KCNQ3: variants seen among roughly 807,000 people sequenced by gnomAD.
The protein encoded by KCNQ3 is potassium voltage-gated channel subfamily KQT member 3.
KCNQ3 carries 30 observed loss-of-function variants against 92.5 expected under a neutral mutation model. The observed-to-expected ratio is 0.32, with a 90% CI of 0.24 to 0.44. The LOEUF is 0.44. KCNQ3 is among the 20% of genes least tolerant of loss of function. KCNQ3 has a pLI of 1.00. For missense variants in KCNQ3, 913 were observed against 1,140.3 expected (o/e 0.80, Z 2.87); for synonymous variants, 450 against 468.8 (o/e 0.96, Z 0.52).
intron 1 of KCNQ3, chr8:132,277,976 C>T: frequency 1.0e-6 from 1 of 985,364 alleles, no homozygotes. Flanking sequence ...CACCTTCACC[C>T]CCACAGGACA....
intron 9 of KCNQ3, among the ~76,000 whole-genome samples, chr8:132,158,552 A>C (rs552299488): frequency 1.1e-4 from 17 of 152,284 alleles, no homozygotes; most frequent in African/African-American, 4.1e-4. Flanking sequence ...GCTGTGACTG[A>C]CTAGGTAACT....
chr8:132,228,958 T>C (rs1193103126), intron 1 of KCNQ3, among the ~76,000 whole-genome samples: 1 of 151,970 alleles, frequency 6.6e-6, no homozygotes, highest in Non-Finnish European at 1.5e-5. Context: ...TTGTGTATCA[T>C]AAAAATCTTT....
At chr8:132,423,078 G>A (rs780118709) in intron 1 of KCNQ3, among the ~76,000 whole-genome samples, 20 of 152,138 alleles carry the variant, frequency 1.3e-4, no homozygotes, top group Non-Finnish European at 2.9e-4. Context: ...GGAGAAGCCA[G>A]AATTAATTGT....
chr8:132,389,208 G>C (rs1563891050), intron 1 of KCNQ3, among the ~76,000 whole-genome samples: 1 of 152,218 alleles, frequency 6.6e-6, no homozygotes, highest in Non-Finnish European at 1.5e-5. Context: ...TGTAATCCCA[G>C]CACTTTGGGA....
At chr8:132,466,558 T>G (rs1318438126) in intron 1 of KCNQ3, among the ~76,000 whole-genome samples, 1 of 152,190 alleles carries the variant, frequency 6.6e-6, no homozygotes, top group Non-Finnish European at 1.5e-5. Flanking sequence ...CTAGGAAGAC[T>G]AAGCCTCAGT....
At chr8:132,170,309 A>G (rs919490823) in intron 8 of KCNQ3, 25 bp downstream of exon 8, 8 of 1,538,920 alleles carry the variant, frequency 5.2e-6, no homozygotes, top group Non-Finnish European at 7.2e-6. Flanking sequence ...TCACGCCCTG[A>G]GCATTCAGGT....
At chr8:132,467,360 A>G (rs987483799) in intron 1 of KCNQ3, among the ~76,000 whole-genome samples, 1 of 152,192 alleles carries the variant, frequency 6.6e-6, no homozygotes, top group Admixed American at 6.5e-5. Context: ...CAATGGTGCT[A>G]CCCCACAGAT....
intron 1 of KCNQ3, among the ~76,000 whole-genome samples, chr8:132,414,917 G>C (rs1820755738): frequency 6.6e-6 from 1 of 152,234 alleles, no homozygotes; most frequent in Admixed American, 6.5e-5. Flanking sequence ...TCCGGCAGAA[G>C]TAGGGATGGA....
intron 1 of KCNQ3, among the ~76,000 whole-genome samples, chr8:132,203,377 C>G (rs1827521500): frequency 6.6e-6 from 1 of 152,148 alleles, no homozygotes; most frequent in African/African-American, 2.4e-5. Context: ...ACCCTGGGTC[C>G]CTGAACTGGA....
intron 1 of KCNQ3, among the ~76,000 whole-genome samples, chr8:132,292,884 A>C (rs1309070339): frequency 6.6e-6 from 1 of 152,148 alleles, no homozygotes; most frequent in Admixed American, 6.5e-5. Context: ...CCCCATACCT[A>C]GAGGAAGGAA....
chr8:132,278,137 AT>A (rs1816398689), intron 1 of KCNQ3: 3 of 985,342 alleles, frequency 3.0e-6, no homozygotes, highest in Non-Finnish European at 3.6e-6. Flanking sequence ...TAACTAGAGA[AT>A]CCCCATTTTG....
intron 9 of KCNQ3, among the ~76,000 whole-genome samples, chr8:132,154,586 AG>A (rs1202653933): frequency 6.6e-6 from 1 of 152,098 alleles, no homozygotes; most frequent in East Asian, 1.9e-4. Flanking sequence ...GAGGCTGGTA[AG>A]GTCCCTGGAG....
chr8:132,301,709 T>C (rs1586909242), intron 1 of KCNQ3, among the ~76,000 whole-genome samples: 1 of 152,010 alleles, frequency 6.6e-6, no homozygotes, highest in Non-Finnish European at 1.5e-5. Context: ...TTGGATGGGG[T>C]GCTGCCACTC....
At chr8:132,276,380 T>C (rs2130513660) in intron 1 of KCNQ3, among the ~76,000 whole-genome samples, 1 of 152,142 alleles carries the variant, frequency 6.6e-6, no homozygotes, top group Non-Finnish European at 1.5e-5. Flanking sequence ...AGGGGAGCTG[T>C]CAGCAGAACC....
intron 1 of KCNQ3, among the ~76,000 whole-genome samples, chr8:132,188,467 C>A (rs752400759): frequency 3.0e-4 from 45 of 152,146 alleles, no homozygotes; most frequent in Non-Finnish European, 6.0e-4. Context: ...CTCTTATGAC[C>A]TGCGTGTTCT....
At chr8:132,201,240 G>A (rs76981334) in intron 1 of KCNQ3, among the ~76,000 whole-genome samples, 5,432 of 152,192 alleles carry the variant, frequency 0.036, 160 homozygotes, top group Non-Finnish European at 0.053. Context: ...AAGAACTTCT[G>A]GGGACACATT....
chr8:132,268,490 C>T (rs1816057859), intron 1 of KCNQ3, among the ~76,000 whole-genome samples: 1 of 152,140 alleles, frequency 6.6e-6, no homozygotes, highest in Non-Finnish European at 1.5e-5. Context: ...ATCTCCTGAT[C>T]TCAAGTAATC....
rs562264389 is a variant in KCNQ3 at position 132,238,382 on chromosome 8, G to A, written c.387-52201C>T. On this transcript the variant is annotated intron_variant, in intron 1 of 14. Coordinates refer to ENST00000388996, the MANE Select transcript of KCNQ3 (RefSeq NM_004519.4). Reference sequence around the variant, plus strand: ...GTCCTAACTGAACCATTGGGCCCTAGAAGGGTAAGGCATCCTCTCCTCATG... The same window carrying A: ...GTCCTAACTGAACCATTGGGCCCTAAAAGGGTAAGGCATCCTCTCCTCATG... Among the ~76,000 whole-genome samples the A allele has an allele frequency of 2.5e-3, 380 of 152,242 alleles. 1 individual carries two copies. Among genetic ancestry groups the A allele is most frequent in the African/African-American group, 8.4e-3 (347 of 41,538 alleles).
chr8:132,338,637 G>A (rs1043828669), intron 1 of KCNQ3, among the ~76,000 whole-genome samples: 12 of 152,236 alleles, frequency 7.9e-5, no homozygotes, highest in Admixed American at 3.3e-4. Flanking sequence ...ACTCAGTAGC[G>A]TCACCCTCAA....
Sources: allele counts gnomAD v4.1 joint callset (sites outside exome capture counted in the v4.1 genomes callset), GRCh38; gene constraint gnomAD v4.1.1; transcripts MANE v1.5; gene names NCBI Gene and HGNC (gene_info 2026-07-23, HGNC 2026-07-21).